The following ZNF699 variants were observed in gnomAD, a reference collection of about 807,000 sequenced individuals.
The protein encoded by ZNF699 is hangover homolog.
ZNF699 carries 18 observed loss-of-function variants against 22.5 expected under a neutral mutation model. That is an observed-to-expected ratio of 0.80 (90% CI 0.55 to 1.19). ZNF699 has a LOEUF of 1.19. Among genes scored for constraint, ZNF699 ranks in the 50% most tolerant of loss-of-function variants. The pLI is 0.00. For synonymous variants in ZNF699, 241 were observed against 262.3 expected (o/e 0.92, Z 0.78); for missense variants, 670 against 763.4 (o/e 0.88, Z 1.44).
At chr19:9,298,674 G>T (rs996171051) in intron 3 of ZNF699, among the ~76,000 whole-genome samples, 2 of 152,102 alleles carry the variant, frequency 1.3e-5, no homozygotes, top group Admixed American at 1.3e-4. Flanking sequence ...TCATAATTTT[G>T]TCTAAAGACT....
chr19:9,299,080 A>G lies in ZNF699; in HGVS notation c.176-1090T>C, dbSNP rs546287562. ...TAAAATGCAAAGCTAGAAAACTCCT[A>G]GAAGATAACAGGAGAAAAATCTAAA... On this transcript the variant is annotated intron_variant, in intron 3 of 5. Coordinates refer to ENST00000591998, the MANE Select transcript of ZNF699 (RefSeq NM_198535.3). Among the ~76,000 whole-genome samples the G allele has an allele frequency of 9.8e-5, 15 of 152,374 alleles. No individual in the cohort carries two copies. In the South Asian group the frequency reaches 3.1e-3, roughly 32 times the overall value.
In ZNF699 at chr19:9,295,808, T is replaced by C. The variant is rs2066283011; in HGVS notation, c.1596A>G (p.Glu532=). The C allele has an allele frequency of 6.2e-7, 1 of 1,614,188 alleles. No individual in the cohort carries two copies. Among genetic ancestry groups the C allele is most frequent in the East Asian group, 2.2e-5 (1 of 44,882 alleles). Residue 532 remains glutamate (E), a synonymous_variant, in exon 6 of 6, where the codon GAA becomes GAG. Coordinates refer to ENST00000591998, the MANE Select transcript of ZNF699 (RefSeq NM_198535.3). ...TAAAGGCTTTCCCACATTTCTTACA[T>C]TCATAGGGTTTCTCTCCAGTGTGAG... is the stretch of plus-strand genomic sequence containing the variant. ...IRTHTGEKPY[E]CKKCGKAFIY...
intron 3 of ZNF699, among the ~76,000 whole-genome samples, chr19:9,299,594 A>T (rs1156955028): frequency 1.3e-5 from 2 of 152,040 alleles, no homozygotes; most frequent in African/African-American, 4.8e-5. Flanking sequence ...CGTGCCCCCC[A>T]CACCCTGGCA....
rs970660994 is a variant in ZNF699 at position 9,297,827 on chromosome 19, CTTTAAG to C, written c.286+47_286+52del. The C allele has an allele frequency of 1.8e-5, 25 of 1,421,400 alleles. No homozygotes were observed. Among genetic ancestry groups the C allele is most frequent in the South Asian group, 1.5e-4 (13 of 85,618 alleles). The allele number at this position is 1,421,400 out of a possible 1,614,324, so 88.0% of individuals were successfully genotyped here. On this transcript the variant is annotated intron_variant, in intron 4 of 5. Transcript: ENST00000591998. The surrounding 1 kb of genome is among the most constrained non-coding windows in gnomAD (Gnocchi z 4.3). ...AAACAAAGTTTGTTTTTGTTTTTTACTTTAAGTTTATTTTTTCCCCCAACCAAAACA... is the reference window on the plus strand; with the variant it reads ...AAACAAAGTTTGTTTTTGTTTTTTACTTTATTTTTTCCCCCAACCAAAACA...
At position 9,293,768 on chromosome 19, in the gene ZNF699, T is replaced by C. The variant is rs903204100; in HGVS notation, c.*1707A>G. Among the ~76,000 whole-genome samples, 4 of 152,096 alleles carry C rather than the reference T, an allele frequency of 2.6e-5. No homozygotes were observed. The highest frequency in any genetic ancestry group is 4.8e-5 in the African/African-American group (2 of 41,406). On this transcript the variant is annotated 3_prime_UTR_variant, in exon 6 of 6. Coordinates refer to ENST00000591998, the MANE Select transcript of ZNF699 (RefSeq NM_198535.3). ...AGCACACTTCATGCATGTTAGTATA[T>C]GTATAATAAAATAAAAAGTGATTAT...
rs1352373808 is a variant in ZNF699 at position 9,309,824 on chromosome 19, T to C, written c.-480A>G. On this transcript the variant is annotated 5_prime_UTR_variant, in exon 1 of 6. Transcript: ENST00000591998. ...GCGGAGGCGTAGGGTGACAAGGCTGTCGACTCGCGCATGCGCAGAAGCACA... is the reference window on the plus strand; with the variant it reads ...GCGGAGGCGTAGGGTGACAAGGCTGCCGACTCGCGCATGCGCAGAAGCACA... The C allele has an allele frequency of 2.0e-5, 3 of 152,506 alleles. No homozygotes were observed. The highest frequency in any genetic ancestry group is 7.2e-5 in the African/African-American group (3 of 41,430). The allele number at this position is 152,506 out of a possible 1,614,324, so 9.4% of individuals were successfully genotyped here.
intron 3 of ZNF699, 147 bp downstream of exon 3, chr19:9,302,231 G>T: frequency 1.1e-6 from 1 of 882,758 alleles, no homozygotes; most frequent in Non-Finnish European, 1.7e-6. Context: ...AAAGCCACTA[G>T]ACTGTAAGTT....
At chr19:9,302,635 T>C in intron 2 of ZNF699, 131 bp from the exon 3 acceptor site, 2 of 879,002 alleles carry the variant, frequency 2.3e-6, no homozygotes, top group Non-Finnish European at 3.4e-6. Flanking sequence ...CAGCATCTAC[T>C]CTAGGGCTCA....
At chr19:9,307,941 T>G (rs1233725391) in intron 1 of ZNF699, among the ~76,000 whole-genome samples, 1 of 146,028 alleles carries the variant, frequency 6.8e-6, no homozygotes, top group Non-Finnish European at 1.5e-5. Flanking sequence ...AGCGAGACTC[T>G]GTCTCAAAAA....
At position 9,296,808 on chromosome 19, in the gene ZNF699, T is replaced by C; in HGVS notation, c.596A>G (p.Glu199Gly). 6.2e-7 allele frequency: 1 copy of C among 1,614,214 alleles called. No homozygotes were observed. Among genetic ancestry groups the C allele is most frequent in the East Asian group, 2.2e-5 (1 of 44,878 alleles). ...ATGATCCACGAAGGCCTTTCCACAC[T>C]CATGGCATTCACAGGATTTTACTTC... ...NTEVKSCECH[E>G]CGKAFVDHSS... The change falls in exon 6 of 6, where the codon GAG becomes GGG. Residue 199 changes from glutamate (E) to glycine (G), a missense_variant. Coordinates refer to ENST00000591998, the MANE Select transcript of ZNF699 (RefSeq NM_198535.3).
chr19:9,296,671 G>C lies in ZNF699; in HGVS notation c.733C>G (p.Pro245Ala), dbSNP rs747491506. 2 of 1,613,976 alleles carry C rather than the reference G, an allele frequency of 1.2e-6. No homozygotes were observed. Among genetic ancestry groups the C allele is most frequent in the South Asian group, 2.2e-5 (2 of 91,072 alleles). Reference protein sequence around the residue: ...LACFKKHMKTPTEEKPYECKE... With the variant: ...LACFKKHMKTATEEKPYECKE... ...CATTCATAGGGCTTCTCTTCAGTGGGGGTTTTCATATGCTTCTTGAAACAA... is the reference window on the plus strand; with the variant it reads ...CATTCATAGGGCTTCTCTTCAGTGGCGGTTTTCATATGCTTCTTGAAACAA... The change falls in exon 6 of 6, where the codon CCC becomes GCC. Residue 245 changes from proline (P) to alanine (A), a missense_variant. Coordinates refer to ENST00000591998, the MANE Select transcript of ZNF699 (RefSeq NM_198535.3).
rs921935241 is a variant in ZNF699, at chr19:9,304,966, T to G, written c.48+106A>C. ...CTATAGCCTTCAGTGCCTAAAATAC[T>G]ATGTGGTCCAATACAGAAAGAGATT... On this transcript the variant is annotated intron_variant, in intron 2 of 5. Transcript: ENST00000591998. The G allele has an allele frequency of 2.1e-5, 15 of 710,782 alleles. No homozygotes were observed. The East Asian group carries it at 4.5e-4, about 22-fold the overall frequency. 44.0% of individuals were successfully genotyped at this position (710,782 alleles called of 1,614,324 possible).
intron 2 of ZNF699, 136 bp downstream of exon 2, chr19:9,304,936 A>AC (rs1022140965): frequency 6.5e-6 from 4 of 611,006 alleles, no homozygotes; most frequent in Admixed American, 3.7e-5. Context: ...AAAAAAAAAA[A>AC]AAAACTATAG....
chr19:9,291,615 G>C lies in ZNF699; in HGVS notation c.*3860C>G, dbSNP rs899239333. On this transcript the variant is annotated 3_prime_UTR_variant, in exon 6 of 6. Transcript: ENST00000591998. ...AGAATCTAGAAGGAAACATAGGAGA[G>C]TAGATTCATTATCTTGGTCCAGGCA... 1 of 151,210 alleles carries C rather than the reference G, an allele frequency of 6.6e-6. No homozygotes were observed. The highest frequency in any genetic ancestry group is 2.4e-5 in the African/African-American group (1 of 41,168). 9.4% of individuals were successfully genotyped at this position (151,210 alleles called of 1,614,324 possible).
At position 9,297,240 on chromosome 19, in the gene ZNF699, T is replaced by C; in HGVS notation, c.470+56A>G. The C allele has an allele frequency of 6.7e-7, 1 of 1,492,204 alleles. No homozygotes were observed. Among genetic ancestry groups the C allele is most frequent in the Non-Finnish European group, 9.0e-7 (1 of 1,110,204 alleles). 92.4% of individuals were successfully genotyped at this position (1,492,204 alleles called of 1,614,324 possible). On this transcript the variant is annotated intron_variant, in intron 5 of 5. Coordinates refer to ENST00000591998, the MANE Select transcript of ZNF699 (RefSeq NM_198535.3). The surrounding 1 kb of genome is among the most constrained non-coding windows in gnomAD (Gnocchi z 4.3). ...ATACATATTTCTTAAATTTCATGAC[T>C]TTAATTTTAAGATTCTCTCCTGAGG...
At position 9,296,593 on chromosome 19, in the gene ZNF699, T is replaced by C; in HGVS notation, c.811A>G (p.Lys271Glu). ...TAGTTTGTCTTTCCGATGTGAATCT[T>C]CATATGTGCCCTAAAGAATGAGGAA... ...SCSSFFRAHM[K>E]IHIGKTNYEC... The change falls in exon 6 of 6, where the codon AAG becomes GAG. Residue 271 changes from lysine (K) to glutamate (E), a missense_variant. By Grantham distance (56) the Lys-to-Glu change is moderately conservative (BLOSUM62 1). Transcript: ENST00000591998. 1.2e-6 allele frequency: 2 copies of C among 1,614,208 alleles called. No individual in the cohort carries two copies. The highest frequency in any genetic ancestry group is 2.7e-5 in the African/African-American group (2 of 75,062).
Position 9,296,082 on chromosome 19 carries a change from T to G in ZNF699, c.1322A>C (p.Gln441Pro). 2 of 1,613,752 alleles carry G rather than the reference T, an allele frequency of 1.2e-6. No individual in the cohort carries two copies. Among genetic ancestry groups the G allele is most frequent in the Non-Finnish European group, 1.7e-6 (2 of 1,179,934 alleles). The change falls in exon 6 of 6, where the codon CAA becomes CCA. Residue 441 changes from glutamine to proline, a missense_variant. Transcript: ENST00000591998. ...PTSLNTHVKN[Q>P]SREKPYECKE... ...ACATTCATAGGGTTTCTCTCGACTT[T>G]GATTTTTCACATGTGTATTAAGGGA...
At chr19:9,302,347 C>T (rs777642084) in intron 3 of ZNF699, 31 bp downstream of exon 3, 3 of 1,611,674 alleles carry the variant, frequency 1.9e-6, no homozygotes, top group Non-Finnish European at 2.5e-6. Flanking sequence ...ACTTTCTAAA[C>T]AACTACATGA....
intron 1 of ZNF699, among the ~76,000 whole-genome samples, chr19:9,308,679 A>G (rs932099865): frequency 6.6e-6 from 1 of 152,132 alleles, no homozygotes; most frequent in East Asian, 1.9e-4. Flanking sequence ...TACAGCAAAC[A>G]TCCTATTTAA....
Sources: gnomAD v4.1 joint callset for allele counts (sites outside exome capture counted in the v4.1 genomes callset) on GRCh38, gnomAD v4.1.1 for gene constraint, Gnocchi (gnomAD v3.1) non-coding constraint, MANE v1.5 for transcripts, NCBI Gene and HGNC (gene_info 2026-07-23, HGNC 2026-07-21) for gene names.